Variants in IL13RA1 observed in about 807,000 individuals in gnomAD.
IL13RA1 encodes interleukin-13 receptor subunit alpha-1.
In IL13RA1, 14 loss-of-function variants were observed where a neutral mutation model predicts 33.8. The observed-to-expected ratio is 0.41, with a 90% CI of 0.27 to 0.65. The LOEUF is 0.65. IL13RA1 is among the 30% of genes least tolerant of loss of function. The pLI is 0.28. For missense variants in IL13RA1, 313 were observed against 327.0 expected (o/e 0.96, Z 0.33); for synonymous variants, 116 against 115.7 (o/e 1.00, Z -0.02).
chrX:118,779,618 C>T (rs2017821172), intron 10 of IL13RA1, among the ~76,000 whole-genome samples: 1 of 111,439 alleles, frequency 9.0e-6, no homozygotes. Context: ...TCCAGATTGC[C>T]TATAGTGAGC....
In IL13RA1 at chrX:118,793,866, ATTC is replaced by A. The variant is rs1397579428; in HGVS notation, c.*2015_*2017del. 1 of 111,942 alleles carries A rather than the reference ATTC, an allele frequency of 8.9e-6. No homozygotes were observed. Among genetic ancestry groups the A allele is most frequent in the African/African-American group, 3.3e-5 (1 of 30,769 alleles). The allele number at this position is 111,942 out of a possible 1,213,427, so 9.2% of individuals were successfully genotyped here. A position where few individuals can be genotyped will look rare whatever the true frequency, so the allele number is the denominator to read the frequency against. On this transcript the variant is annotated 3_prime_UTR_variant, in exon 11 of 11. Coordinates refer to ENST00000371666, the MANE Select transcript of IL13RA1 (RefSeq NM_001560.3). ...TCATGACAATGGCAGATGTAAAGTT[ATTC>A]TTGAAGTCAGATTGAGGCTGGGAGA...
At chrX:118,739,062 A>G (rs1001531166) in intron 1 of IL13RA1, among the ~76,000 whole-genome samples, 3 of 111,970 alleles carry the variant, frequency 2.7e-5, no homozygotes, top group Admixed American at 9.5e-5. Context: ...TGCTGGGATT[A>G]TAGGCGTGAA....
At chrX:118,754,937 C>CTT (rs66888164) in intron 4 of IL13RA1, among the ~76,000 whole-genome samples, 6 of 92,705 alleles carry the variant, frequency 6.5e-5, no homozygotes, top group Non-Finnish European at 8.6e-5. Flanking sequence ...CGGAGTCTTT[C>CTT]TTTTTTTTTT....
At chrX:118,740,811 CTAA>C (rs767687481) in intron 1 of IL13RA1, among the ~76,000 whole-genome samples, 2 of 111,861 alleles carry the variant, frequency 1.8e-5, no homozygotes, top group East Asian at 5.6e-4. Context: ...AAACATGAGG[CTAA>C]TACTAGTCCC....
At chrX:118,738,000 G>C (rs1178069901) in intron 1 of IL13RA1, 1 of 111,939 alleles carries the variant, frequency 8.9e-6, no homozygotes, top group Non-Finnish European at 1.9e-5. Context: ...TATGGTGTTA[G>C]AAAGGCCAAA....
chrX:118,732,875 G>A (rs2017238780), intron 1 of IL13RA1, among the ~76,000 whole-genome samples: 1 of 111,934 alleles, frequency 8.9e-6, no homozygotes, highest in African/African-American at 3.2e-5. Context: ...ACGTGTGCAT[G>A]TGTCTTTATA....
At chrX:118,782,869 T>C (rs1400837276) in intron 10 of IL13RA1, among the ~76,000 whole-genome samples, 2 of 111,216 alleles carry the variant, frequency 1.8e-5, no homozygotes, top group African/African-American at 6.6e-5. Context: ...CCCAAAGTGC[T>C]GGGATTACAG....
chrX:118,773,858 T>A, intron 8 of IL13RA1, 21 bp from the exon 9 acceptor site: 1 of 723,948 alleles, frequency 1.4e-6, no homozygotes, highest in South Asian at 2.1e-5. Flanking sequence ...CAAGTCTTTC[T>A]GTTTGCTTTT....
intron 4 of IL13RA1, among the ~76,000 whole-genome samples, chrX:118,756,353 T>C (rs1035357627): frequency 1.7e-4 from 19 of 111,923 alleles, no homozygotes; most frequent in Non-Finnish European, 2.8e-4. Context: ...AAACACATTG[T>C]CTGCCTGCGC....
chrX:118,748,040 C>CGTGT, intron 3 of IL13RA1, among the ~76,000 whole-genome samples: 1 of 53,849 alleles, frequency 1.9e-5, no homozygotes, highest in African/African-American at 7.1e-5. Flanking sequence ...TGTGTGTGTA[C>CGTGT]ACACACAAAA....
At chrX:118,752,582 G>A (rs2017482817) in intron 4 of IL13RA1, among the ~76,000 whole-genome samples, 1 of 111,778 alleles carries the variant, frequency 8.9e-6, no homozygotes, top group African/African-American at 3.2e-5. Flanking sequence ...AATTTCTTGT[G>A]TCATACTACC....
At chrX:118,732,999 C>G (rs1377433966) in intron 1 of IL13RA1, among the ~76,000 whole-genome samples, 1 of 112,309 alleles carries the variant, frequency 8.9e-6, no homozygotes, top group Non-Finnish European at 1.9e-5. Context: ...TAAAAGCTGA[C>G]TAATATTCCA....
intron 8 of IL13RA1, among the ~76,000 whole-genome samples, chrX:118,767,534 G>T (rs2251959): frequency 0.17 from 18,278 of 109,424 alleles, 1,427 homozygotes; most frequent in East Asian, 0.4. Context: ...GAGTGAGACC[G>T]TCTCAAGGAA....
At chrX:118,748,599 T>A (rs1275273219) in intron 3 of IL13RA1, among the ~76,000 whole-genome samples, 1 of 109,747 alleles carries the variant, frequency 9.1e-6, no homozygotes, top group Non-Finnish European at 1.9e-5. Flanking sequence ...TGAGCCAAGA[T>A]CACATGACTG....
intron 1 of IL13RA1, among the ~76,000 whole-genome samples, chrX:118,735,120 G>A (rs987964564): frequency 1.8e-5 from 2 of 109,501 alleles, no homozygotes; most frequent in African/African-American, 6.6e-5. Flanking sequence ...TCTAGAATCA[G>A]TAGTGATTCT....
At chrX:118,757,267 C>G (rs2017539668) in intron 4 of IL13RA1, among the ~76,000 whole-genome samples, 1 of 111,587 alleles carries the variant, frequency 9.0e-6, no homozygotes, top group Non-Finnish European at 1.9e-5. Flanking sequence ...TGCAGGGGCT[C>G]ACGCCTGTAA....
At chrX:118,743,235 G>A (rs969544632) in intron 2 of IL13RA1, among the ~76,000 whole-genome samples, 6 of 111,872 alleles carry the variant, frequency 5.4e-5, no homozygotes, top group Non-Finnish European at 1.1e-4. Context: ...TACAGCATTA[G>A]CATCATTGGG....
At chrX:118,738,752 T>C (rs2017310478) in intron 1 of IL13RA1, among the ~76,000 whole-genome samples, 1 of 108,479 alleles carries the variant, frequency 9.2e-6, no homozygotes, top group Non-Finnish European at 1.9e-5. Flanking sequence ...ATGGAATTGT[T>C]GGGTTGAATG....
intron 8 of IL13RA1, among the ~76,000 whole-genome samples, chrX:118,771,963 ACT>A (rs2017726712): frequency 9.0e-6 from 1 of 111,320 alleles, no homozygotes; most frequent in African/African-American, 3.3e-5. Flanking sequence ...ACAGAGTGAG[ACT>A]CTGTCTCAAA....
Sources: gnomAD v4.1 joint callset for allele counts (sites outside exome capture counted in the v4.1 genomes callset) on GRCh38, gnomAD v4.1.1 for gene constraint, MANE v1.5 for transcripts, NCBI Gene and HGNC (gene_info 2026-07-23, HGNC 2026-07-21) for gene names.